Variants in PPP2R5C observed in about 807,000 individuals in gnomAD.
PPP2R5C encodes the protein serine/threonine-protein phosphatase 2A 56 kDa regulatory subunit gamma isoform.
PPP2R5C carries 7 observed loss-of-function variants against 68.9 expected under a neutral mutation model. That is an observed-to-expected ratio of 0.10 (90% CI 0.06 to 0.19). The LOEUF (loss-of-function observed/expected upper bound fraction) is 0.19, where lower values mean the gene tolerates loss of function less well. PPP2R5C is among the 10% of genes least tolerant of loss of function. The pLI is 1.00. For missense variants in PPP2R5C, 348 were observed against 641.3 expected, an observed-to-expected ratio of 0.54 and a Z score of 4.94; for synonymous variants, 210 against 222.2, an observed-to-expected ratio of 0.95 and a Z score of 0.49.
intron 5 of PPP2R5C, among the ~76,000 whole-genome samples, chr14:101,886,191 G>A (rs1229016039): frequency 6.6e-6 from 1 of 151,804 alleles, no homozygotes; most frequent in East Asian, 1.9e-4. Context: ...TGAGGCGGGA[G>A]AATGGCGTGA....
chr14:101,777,620 G>A (rs1434946434), intron 2 of PPP2R5C, among the ~76,000 whole-genome samples: 1 of 152,192 alleles, frequency 6.6e-6, no homozygotes, highest in African/African-American at 2.4e-5. Context: ...AAGGTGCTGG[G>A]ATTACAAGCT....
At chr14:101,828,449 A>T (rs941832848) in intron 1 of PPP2R5C, among the ~76,000 whole-genome samples, 9 of 152,204 alleles carry the variant, frequency 5.9e-5, no homozygotes, top group African/African-American at 2.2e-4. Flanking sequence ...ATGATATATA[A>T]GAAGACCTGA....
chr14:101,767,293 A>G (rs1175833598), intron 2 of PPP2R5C, among the ~76,000 whole-genome samples: 1 of 152,160 alleles, frequency 6.6e-6, no homozygotes, highest in African/African-American at 2.4e-5. Context: ...CGGAAGGGTA[A>G]TTTTTTTAGA....
At chr14:101,859,826 T>A (rs982955823) in intron 2 of PPP2R5C, among the ~76,000 whole-genome samples, 1 of 152,152 alleles carries the variant, frequency 6.6e-6, no homozygotes, top group Non-Finnish European at 1.5e-5. Flanking sequence ...AAGCAGCCTT[T>A]AGCCATGCCT....
rs1228426387 is a variant in PPP2R5C at position 101,877,569 on chromosome 14, T to A, written c.295-4592T>A. Among the ~76,000 whole-genome samples, 1 of 152,116 alleles carries A rather than the reference T, an allele frequency of 6.6e-6. No homozygotes were observed. The highest frequency in any genetic ancestry group is 2.4e-5 in the African/African-American group (1 of 41,434). On this transcript the variant is annotated intron_variant, in intron 2 of 13. Transcript: ENST00000334743. The surrounding 1 kb of genome is among the most constrained non-coding windows in gnomAD (Gnocchi z 4.2). ...TCCATGCATCCAGGTAGCATGGCAG[T>A]GACATTTGCACACAGACATCAGCAC...
chr14:101,762,831 C>A, intron 1 of PPP2R5C, 74 bp from the exon 2 acceptor site: 1 of 1,230,674 alleles, frequency 8.1e-7, no homozygotes. Flanking sequence ...ACTTTTAAAA[C>A]TGCATTTGGC....
At chr14:101,850,151 G>C (rs763719347) in intron 1 of PPP2R5C, among the ~76,000 whole-genome samples, 8 of 152,158 alleles carry the variant, frequency 5.3e-5, no homozygotes, top group African/African-American at 1.9e-4. Flanking sequence ...CCTCTGAGTC[G>C]GGGATGGGTG....
chr14:101,879,023 G>A lies in PPP2R5C; in HGVS notation c.295-3138G>A, dbSNP rs1437910656. On this transcript the variant is annotated intron_variant, in intron 2 of 13. Coordinates refer to ENST00000334743, the Ensembl canonical transcript of PPP2R5C. This position sits in a 1 kb window ranked among gnomAD's most constrained non-coding sequence, Gnocchi z 4.2. Reference sequence around the variant, plus strand: ...GTTGGTTAACTTCTTAGTCATCCCTGGTCACAGAAATCCAATCTAGGTTAA... The same window carrying A: ...GTTGGTTAACTTCTTAGTCATCCCTAGTCACAGAAATCCAATCTAGGTTAA... 6.6e-6 allele frequency among the ~76,000 whole-genome samples: 1 copy of A among 152,184 alleles called. No homozygotes were observed. The highest frequency in any genetic ancestry group is 6.5e-5 in the Admixed American group (1 of 15,280).
At chr14:101,921,176 G>A (rs748735335) in intron 13 of PPP2R5C, 3 of 238,076 alleles carry the variant, frequency 1.3e-5, no homozygotes, top group East Asian at 2.0e-4. Flanking sequence ...CAAGCAATCC[G>A]CCCACTTCAG....
chr14:101,849,223 G>A (rs1248214476), intron 1 of PPP2R5C, among the ~76,000 whole-genome samples: 3 of 152,262 alleles, frequency 2.0e-5, no homozygotes, highest in Middle Eastern at 3.4e-3. Flanking sequence ...CCTTTACCTC[G>A]GTTGTGATGG....
rs570071025 is a variant in PPP2R5C at position 101,814,090 on chromosome 14, T to C, written c.94+4054T>C. ...TTGCTAAATTAGTAACACACCTGCA[T>C]GGTGTGAAGTCAGTAAGTACTAGTG... On this transcript the variant is annotated intron_variant, in intron 1 of 13. Transcript: ENST00000334743. 2.0e-5 allele frequency among the ~76,000 whole-genome samples: 3 copies of C among 152,336 alleles called. No homozygotes were observed. In the South Asian group the frequency reaches 6.2e-4, roughly 32 times the overall value.
rs1458132494 is a variant in PPP2R5C, at chr14:101,915,032, C to T, written c.1326+2559C>T. ...GAGAGAGGAGCTCATGTGCGGAATG[C>T]ACCTCAGTGAAGGTTTTTGTTTTGG... On this transcript the variant is annotated intron_variant, in intron 12 of 13. Coordinates refer to ENST00000334743, the Ensembl canonical transcript of PPP2R5C. This position sits in a 1 kb window ranked among gnomAD's most constrained non-coding sequence, Gnocchi z 4.2. 1.3e-5 allele frequency among the ~76,000 whole-genome samples: 2 copies of T among 152,132 alleles called. No homozygotes were observed. Among genetic ancestry groups the T allele is most frequent in the Non-Finnish European group, 2.9e-5 (2 of 68,028 alleles).
At chr14:101,761,142 C>G (rs1046060669), upstream of PPP2R5C, among the ~76,000 whole-genome samples, 1 of 151,878 alleles carries the variant, frequency 6.6e-6, no homozygotes, top group Non-Finnish European at 1.5e-5. Context: ...GCCGCTCGCT[C>G]GGTTCCCGGG....
chr14:101,895,789 A>G (rs759017307), intron 8 of PPP2R5C, among the ~76,000 whole-genome samples: 9 of 152,152 alleles, frequency 5.9e-5, no homozygotes, highest in Non-Finnish European at 1.2e-4. Flanking sequence ...TGGTGTACAA[A>G]TATTTGCTAT....
chr14:101,846,147 T>A (rs1474035486), intron 1 of PPP2R5C, among the ~76,000 whole-genome samples: 1 of 152,218 alleles, frequency 6.6e-6, no homozygotes. Flanking sequence ...GTGGGCACAT[T>A]GAAGCCAGCT....
chr14:101,892,638 A>G (rs1473851499), intron 6 of PPP2R5C, among the ~76,000 whole-genome samples: 1 of 152,192 alleles, frequency 6.6e-6, no homozygotes, highest in Admixed American at 6.5e-5. Context: ...ACACACACAC[A>G]TATGTATATA....
chr14:101,795,396 T>G (rs1279029818), intron 3 of PPP2R5C, among the ~76,000 whole-genome samples: 1 of 152,214 alleles, frequency 6.6e-6, no homozygotes, highest in Non-Finnish European at 1.5e-5. Context: ...TTTTATTTTT[T>G]TTTAACCAGT....
At chr14:101,919,292 G>C (rs2046880244) in intron 13 of PPP2R5C, among the ~76,000 whole-genome samples, 1 of 152,196 alleles carries the variant, frequency 6.6e-6, no homozygotes, top group Non-Finnish European at 1.5e-5. Flanking sequence ...GAAAATACTA[G>C]AAATACAGTG....
chr14:101,871,941 C>G (rs12883214), intron 2 of PPP2R5C, among the ~76,000 whole-genome samples: 11,408 of 152,080 alleles, frequency 0.075, 477 homozygotes, highest in Middle Eastern at 0.14. Flanking sequence ...ACATAAACCC[C>G]TCAATATCTT....
Sources: allele counts gnomAD v4.1 joint callset (sites outside exome capture counted in the v4.1 genomes callset), GRCh38; gene constraint gnomAD v4.1.1; non-coding constraint Gnocchi (gnomAD v3.1); transcripts MANE v1.5; gene names NCBI Gene and HGNC (gene_info 2026-07-23, HGNC 2026-07-21).